The following ZNF565 variants were observed in gnomAD, a reference collection of about 807,000 sequenced individuals.
ZNF565 encodes the protein zinc finger protein 565.
ZNF565 carries 27 observed loss-of-function variants against 39.4 expected under a neutral mutation model. The observed-to-expected ratio is 0.69, with a 90% CI of 0.51 to 0.95. The LOEUF is 0.95. Among genes scored for constraint, ZNF565 ranks in the 40% least tolerant of loss-of-function variants. The pLI, the probability that ZNF565 is intolerant of heterozygous loss-of-function variation, is 0.00. For synonymous variants in ZNF565, 185 were observed against 216.6 expected, an observed-to-expected ratio of 0.85 and a Z score of 1.28; for missense variants, 524 against 621.1, an observed-to-expected ratio of 0.84 and a Z score of 1.66.
At chr19:36,187,904 C>T (rs1975367635) in intron 4 of ZNF565, among the ~76,000 whole-genome samples, 2 of 151,700 alleles carry the variant, frequency 1.3e-5, no homozygotes, top group Admixed American at 1.3e-4. Context: ...TCCCAAAGTG[C>T]TGGGATTACA....
At chr19:36,197,787 CA>C (rs1311708961) in intron 2 of ZNF565, among the ~76,000 whole-genome samples, 2 of 151,970 alleles carry the variant, frequency 1.3e-5, no homozygotes, top group Non-Finnish European at 2.9e-5. Context: ...GGAGGTTCCT[CA>C]AAAAACTAAA....
At chr19:36,195,408 C>T (rs538239822) in intron 2 of ZNF565, among the ~76,000 whole-genome samples, 142 of 151,536 alleles carry the variant, frequency 9.4e-4, no homozygotes, top group African/African-American at 3.4e-3. Context: ...ACTTTAGTAT[C>T]CAACAGATTA....
intron 2 of ZNF565, among the ~76,000 whole-genome samples, chr19:36,196,077 C>A (rs1975750534): frequency 1.3e-5 from 2 of 151,900 alleles, no homozygotes; most frequent in Non-Finnish European, 2.9e-5. Flanking sequence ...GCTGGGATTA[C>A]AGGTGTGCGC....
chr19:36,202,358 C>A (rs191635163), intron 1 of ZNF565, among the ~76,000 whole-genome samples: 73 of 151,974 alleles, frequency 4.8e-4, no homozygotes, highest in African/African-American at 1.7e-3. Flanking sequence ...CAGAGCGAGA[C>A]TCGATCTCAA....
Sources: gnomAD v4.1 joint callset for allele counts (sites outside exome capture counted in the v4.1 genomes callset) on GRCh38, gnomAD v4.1.1 for gene constraint, MANE v1.5 for transcripts, NCBI Gene and HGNC (gene_info 2026-07-23, HGNC 2026-07-21) for gene names.